Variants in SLC39A6 observed in about 807,000 individuals in gnomAD.
SLC39A6 encodes zinc transporter ZIP6.
SLC39A6 carries 51 observed loss-of-function variants against 63.5 expected under a neutral mutation model. That is an observed-to-expected ratio of 0.80 (90% CI 0.64 to 1.01). SLC39A6 has a LOEUF of 1.01. SLC39A6 is among the 50% of genes least tolerant of loss of function. SLC39A6 has a pLI of 0.00. For missense variants in SLC39A6, 805 were observed against 927.8 expected, an observed-to-expected ratio of 0.87 and a Z score of 1.72; for synonymous variants, 318 against 324.7, an observed-to-expected ratio of 0.98 and a Z score of 0.22.
chr18:36,119,762 T>C (rs2089376465), intron 5 of SLC39A6, among the ~76,000 whole-genome samples: 3 of 152,222 alleles, frequency 2.0e-5, no homozygotes, highest in African/African-American at 7.2e-5. Context: ...GAGCCTGTAG[T>C]CTCAGTTACT....
intron 7 of SLC39A6, among the ~76,000 whole-genome samples, chr18:36,113,517 C>G (rs2089319021): frequency 6.6e-6 from 1 of 152,226 alleles, no homozygotes; most frequent in Non-Finnish European, 1.5e-5. Flanking sequence ...ACAGCACAGC[C>G]TCCTTGGACA....
At chr18:36,118,083 T>A (rs1170648839) in intron 5 of SLC39A6, among the ~76,000 whole-genome samples, 1 of 151,336 alleles carries the variant, frequency 6.6e-6, no homozygotes, top group Non-Finnish European at 1.5e-5. Flanking sequence ...TTATCCTGAA[T>A]ATAATGCCTC....
intron 6 of SLC39A6, among the ~76,000 whole-genome samples, chr18:36,114,687 G>A (rs2089329386): frequency 1.3e-5 from 2 of 152,192 alleles, no homozygotes; most frequent in South Asian, 4.1e-4. Context: ...TATTAAGAAT[G>A]GATTTTAAAT....
intron 3 of SLC39A6, 93 bp downstream of exon 3, chr18:36,124,427 A>T: frequency 1.3e-6 from 1 of 749,204 alleles, no homozygotes; most frequent in Admixed American, 2.6e-5. Context: ...TCAGAATTGT[A>T]CTGGAAAACA....
intron 3 of SLC39A6, 149 bp downstream of exon 3, chr18:36,124,371 C>T (rs961074981): frequency 3.3e-5 from 16 of 480,990 alleles, no homozygotes; most frequent in Non-Finnish European, 5.3e-5. Context: ...AACACCCTTC[C>T]TTGCTTTCTT....
At position 36,112,301 on chromosome 18, in the gene SLC39A6, A is replaced by T. The variant is rs2089307116; in HGVS notation, c.1924+200T>A. ...TCTCTTTCTCAACTTTTGTTAATGG[A>T]AGATGATTCCTTTGTATCCTGTAGT... On this transcript the variant is annotated intron_variant, in intron 8 of 9. Transcript: ENST00000269187. Among the ~76,000 whole-genome samples, 3 of 152,330 alleles carry T rather than the reference A, an allele frequency of 2.0e-5. No individual in the cohort carries two copies. The South Asian group carries it at 6.2e-4, about 32-fold the overall frequency.
chr18:36,112,899 T>C (rs1307889795), intron 7 of SLC39A6, among the ~76,000 whole-genome samples: 3 of 152,178 alleles, frequency 2.0e-5, no homozygotes. Context: ...ATAAACTGTT[T>C]AAAAGGTTTA....
At chr18:36,120,674 G>C (rs1323745212) in intron 5 of SLC39A6, among the ~76,000 whole-genome samples, 2 of 152,192 alleles carry the variant, frequency 1.3e-5, no homozygotes, top group Non-Finnish European at 2.9e-5. Flanking sequence ...TTTTTGGGGG[G>C]TAGAGACAGT....
intron 5 of SLC39A6, 116 bp downstream of exon 5, chr18:36,121,936 A>C: frequency 1.7e-5 from 12 of 692,052 alleles, no homozygotes; most frequent in Non-Finnish European, 2.9e-5. Context: ...AGGGTACTGA[A>C]CTCCCTCTCA....
chr18:36,126,835 T>C lies in SLC39A6; in HGVS notation c.173A>G (p.Gln58Arg). The change falls in exon 2 of 10, where the codon CAA (glutamine) becomes CGA (arginine). Residue 58 changes from glutamine (Q) to arginine (R), a missense_variant. Gln to Arg is a conservative substitution (Grantham distance 43, BLOSUM62 1). Coordinates refer to ENST00000269187, the MANE Select transcript of SLC39A6 (RefSeq NM_012319.4). The part of the protein sequence containing the change: ...LAISTRQYHL[Q>R]QLFYRYGENN... ...TTCTCCATAGCGGTAGAAAAGCTGT[T>C]GTAGATGATATTGCCGTGTGGAAAT... The C allele has an allele frequency of 9.9e-6, 16 of 1,614,238 alleles. No individual in the cohort carries two copies. The highest frequency in any genetic ancestry group is 1.3e-5 in the Non-Finnish European group (15 of 1,180,040).
chr18:36,126,366 G>GA lies in SLC39A6; in HGVS notation c.641dup (p.Lys216GlnfsTer23), dbSNP rs1477555321. On this transcript the variant is annotated frameshift_variant, in exon 2 of 10. Coordinates refer to ENST00000269187, the MANE Select transcript of SLC39A6 (RefSeq NM_012319.4). LOFTEE classifies it high-confidence loss of function. ...GAGTGGAGCTGCTTACATCTTTGGG[G>GA]AAGAGTTTTCCAGGTCTTGGAGTCT... is the stretch of plus-strand genomic sequence containing the variant. 3.7e-6 allele frequency: 6 copies of GA among 1,614,228 alleles called. No homozygotes were observed. Among genetic ancestry groups the GA allele is most frequent in the Non-Finnish European group, 5.1e-6 (6 of 1,180,034 alleles).
Position 36,109,292 on chromosome 18 carries a change from T to C in SLC39A6, c.*301A>G, listed in dbSNP as rs1249560666. 5.2e-6 allele frequency: 1 copy of C among 190,852 alleles called. No homozygotes were observed. The highest frequency in any genetic ancestry group is 1.2e-4 in the East Asian group (1 of 8,176). 11.8% of individuals were successfully genotyped at this position (190,852 alleles called of 1,614,324 possible). A position where few individuals can be genotyped will look rare whatever the true frequency, so the allele number is the denominator to read the frequency against. Reference sequence around the variant, plus strand: ...GTATAGGAATAACTGTGTTAGTTCTTGAAAAAGCATTAAAGACATTTTTCC... The same window carrying C: ...GTATAGGAATAACTGTGTTAGTTCTCGAAAAAGCATTAAAGACATTTTTCC... On this transcript the variant is annotated 3_prime_UTR_variant, in exon 10 of 10. Coordinates refer to ENST00000269187, the MANE Select transcript of SLC39A6 (RefSeq NM_012319.4).
chr18:36,115,461 AAACAACAACAAC>A (rs59445780), intron 6 of SLC39A6, among the ~76,000 whole-genome samples: 40 of 147,564 alleles, frequency 2.7e-4, no homozygotes, highest in South Asian at 4.2e-4. Flanking sequence ...AAAAAAATTA[AAACAACAACAAC>A]AACAACAACA....
At chr18:36,118,378 A>G (rs2089365009) in intron 5 of SLC39A6, among the ~76,000 whole-genome samples, 1 of 152,226 alleles carries the variant, frequency 6.6e-6, no homozygotes, top group Non-Finnish European at 1.5e-5. Context: ...AATTTTTGAC[A>G]CATTTTACAA....
rs1678829631 is a variant in SLC39A6, at chr18:36,108,541, AT to A, written c.*1051del. On this transcript the variant is annotated 3_prime_UTR_variant, in exon 10 of 10. Coordinates refer to ENST00000269187, the MANE Select transcript of SLC39A6 (RefSeq NM_012319.4). ...ACCAGACATCTGACGTCAAGCTGAT[AT>A]AAGGAATTTATTGTGTAAAAAAGAA... 1 of 152,330 alleles carries A rather than the reference AT, an allele frequency of 6.6e-6. No homozygotes were observed. Among genetic ancestry groups the A allele is most frequent in the Non-Finnish European group, 1.5e-5 (1 of 68,034 alleles). The allele number at this position is 152,330 out of a possible 1,614,324, so 9.4% of individuals were successfully genotyped here. A position where few individuals can be genotyped will look rare whatever the true frequency, so the allele number is the denominator to read the frequency against.
intron 9 of SLC39A6, among the ~76,000 whole-genome samples, chr18:36,110,304 C>T (rs2072889453): frequency 6.6e-6 from 1 of 152,052 alleles, no homozygotes; most frequent in Admixed American, 6.6e-5. Context: ...TTGTCCTAGA[C>T]TTCCTACAAA....
chr18:36,123,814 T>C (rs981532882), intron 3 of SLC39A6, 150 bp from the exon 4 acceptor site: 113 of 684,334 alleles, frequency 1.7e-4, no homozygotes, highest in East Asian at 7.8e-4. Context: ...ACTGTGGCAA[T>C]AGCACAATAA....
At chr18:36,123,439 ATTT>A in intron 4 of SLC39A6, 53 bp downstream of exon 4, 1 of 1,436,024 alleles carries the variant, frequency 7.0e-7, no homozygotes, top group South Asian at 1.4e-5. Context: ...AAACCAAAAC[ATTT>A]TTTTTTCAAT....
chr18:36,115,143 T>C (rs1013640776), intron 6 of SLC39A6, among the ~76,000 whole-genome samples: 57 of 152,106 alleles, frequency 3.7e-4, no homozygotes, highest in Admixed American at 1.3e-3. Flanking sequence ...GGAGTCCATT[T>C]AAAAAACTGA....
Sources: allele counts gnomAD v4.1 joint callset (sites outside exome capture counted in the v4.1 genomes callset), GRCh38; gene constraint gnomAD v4.1.1; transcripts MANE v1.5; gene names NCBI Gene and HGNC (gene_info 2026-07-23, HGNC 2026-07-21).